The following LRRC53 variants were observed in gnomAD, a reference collection of about 807,000 sequenced individuals.
LRRC53 encodes leucine-rich repeat-containing protein 53.
In LRRC53, 25 loss-of-function variants were observed where a neutral mutation model predicts 13.6. The ratio of observed to expected loss-of-function variants is 1.83; its 90% CI spans 1.34 to 2.56. The LOEUF (loss-of-function observed/expected upper bound fraction) is 2.56, where lower values mean the gene tolerates loss of function less well. Among genes scored for constraint, LRRC53 ranks in the 30% most tolerant of loss-of-function variants. The pLI is 0.00. For missense variants in LRRC53, 527 were observed against 275.8 expected, an observed-to-expected ratio of 1.91 and a Z score of -6.45; for synonymous variants, 204 against 109.8, an observed-to-expected ratio of 1.86 and a Z score of -5.37.
At chr1:74,496,399 A>T (rs1339331336) in intron 1 of LRRC53, among the ~76,000 whole-genome samples, 1 of 152,114 alleles carries the variant, frequency 6.6e-6, no homozygotes, top group Non-Finnish European at 1.5e-5. Context: ...TTAAAATGTA[A>T]TTTTTTAGTA....
the LRRC53 span, among the ~76,000 whole-genome samples, chr1:74,521,530 A>G: frequency 6.6e-6 from 1 of 152,150 alleles, no homozygotes. Flanking sequence ...ATATATATAT[A>G]CACCTATATA....
intron 1 of LRRC53, among the ~76,000 whole-genome samples, chr1:74,500,484 G>T (rs1409050141): frequency 2.7e-5 from 4 of 150,036 alleles, no homozygotes; most frequent in Non-Finnish European, 4.5e-5. Flanking sequence ...GGCGCCTGTA[G>T]TCCCAGCTAC....
At chr1:74,529,654 TA>T in the LRRC53 span, among the ~76,000 whole-genome samples, 2 of 152,212 alleles carry the variant, frequency 1.3e-5, no homozygotes, top group African/African-American at 2.4e-5. Context: ...TACACTAAAG[TA>T]TTTGGGAGAT....
upstream of LRRC53, among the ~76,000 whole-genome samples, chr1:74,517,409 C>T (rs1207149587): frequency 6.6e-6 from 1 of 152,174 alleles, no homozygotes; most frequent in Non-Finnish European, 1.5e-5. Flanking sequence ...ATTCATATGT[C>T]AAACCTTCAA....
chr1:74,495,521 A>G (rs553084722), intron 1 of LRRC53, among the ~76,000 whole-genome samples: 2 of 152,172 alleles, frequency 1.3e-5, no homozygotes, highest in African/African-American at 2.4e-5. Context: ...AGCCTTAACT[A>G]TTTTCTCTTT....
chr1:74,507,552 G>A (rs1213997156), intron 1 of LRRC53, among the ~76,000 whole-genome samples: 1 of 152,142 alleles, frequency 6.6e-6, no homozygotes, highest in Admixed American at 6.5e-5. Context: ...ATGGATATAT[G>A]TGTATTGAAT....
At chr1:74,482,359 AT>A (rs2100263475) in intron 2 of LRRC53, among the ~76,000 whole-genome samples, 1 of 152,350 alleles carries the variant, frequency 6.6e-6, no homozygotes, top group Non-Finnish European at 1.5e-5. Context: ...GATGAGAAAT[AT>A]TTGTTTCTTA....
intron 1 of LRRC53, among the ~76,000 whole-genome samples, chr1:74,493,550 T>C (rs146459414): frequency 6.6e-6 from 1 of 152,358 alleles, no homozygotes; most frequent in African/African-American, 2.4e-5. Flanking sequence ...ATATCTGTCA[T>C]ATAATGCTAT....
the LRRC53 span, among the ~76,000 whole-genome samples, chr1:74,530,679 G>C: frequency 7.2e-5 from 11 of 151,812 alleles, no homozygotes; most frequent in Admixed American, 1.3e-4. Context: ...ATGAGGAAGT[G>C]AGGAGTGGGC....
chr1:74,521,036 C>G, the LRRC53 span, among the ~76,000 whole-genome samples: 1 of 152,234 alleles, frequency 6.6e-6, no homozygotes, highest in South Asian at 2.1e-4. Flanking sequence ...CTCTGGTTGC[C>G]CTGACTGGAC....
chr1:74,498,801 T>G, intron 1 of LRRC53, among the ~76,000 whole-genome samples: 1 of 152,154 alleles, frequency 6.6e-6, no homozygotes, highest in Non-Finnish European at 1.5e-5. Flanking sequence ...TATAGGTGAC[T>G]AAGATGTGTG....
At chr1:74,494,267 G>A (rs1669221797) in intron 1 of LRRC53, among the ~76,000 whole-genome samples, 1 of 152,180 alleles carries the variant, frequency 6.6e-6, no homozygotes, top group Admixed American at 6.5e-5. Context: ...GAGTTAGCAA[G>A]GGTTTCTATA....
chr1:74,533,111 C>T, the LRRC53 span, among the ~76,000 whole-genome samples: 67 of 152,178 alleles, frequency 4.4e-4, no homozygotes, highest in African/African-American at 1.3e-3. Context: ...AAGAAAGTAC[C>T]GTCAGAGTGA....
At chr1:74,491,678 A>C (rs1239598043) in intron 1 of LRRC53, among the ~76,000 whole-genome samples, 1 of 152,206 alleles carries the variant, frequency 6.6e-6, no homozygotes, top group Non-Finnish European at 1.5e-5. Flanking sequence ...AAAGTGTGTA[A>C]ATTCATTTTA....
intron 1 of LRRC53, among the ~76,000 whole-genome samples, chr1:74,510,858 C>A: frequency 6.6e-6 from 1 of 152,196 alleles, no homozygotes; most frequent in East Asian, 1.9e-4. Context: ...GTCTTGTATT[C>A]TTGTATAAAG....
At chr1:74,527,047 T>C in the LRRC53 span, among the ~76,000 whole-genome samples, 4 of 152,222 alleles carry the variant, frequency 2.6e-5, no homozygotes, top group African/African-American at 9.6e-5. Context: ...CTGCCTGCTC[T>C]AAAAGCATAA....
At chr1:74,517,482 T>C (rs146330098), upstream of LRRC53, among the ~76,000 whole-genome samples, 157 of 152,248 alleles carry the variant, frequency 1.0e-3, no homozygotes, top group African/African-American at 3.7e-3. Context: ...GGTAAATGGG[T>C]CAACTGAGCC....
intron 3 of LRRC53, among the ~76,000 whole-genome samples, chr1:74,476,311 T>G (rs1668203337): frequency 6.6e-6 from 1 of 152,162 alleles, no homozygotes; most frequent in Admixed American, 6.6e-5. Context: ...TTTCCTGTCT[T>G]GACAAATGGC....
chr1:74,497,490 A>G (rs1222418730), intron 1 of LRRC53, among the ~76,000 whole-genome samples: 1 of 151,954 alleles, frequency 6.6e-6, no homozygotes, highest in East Asian at 1.9e-4. Context: ...AATGTTCTCA[A>G]ACATTGCTTC....
Sources: gnomAD v4.1 joint callset for allele counts (sites outside exome capture counted in the v4.1 genomes callset) on GRCh38, gnomAD v4.1.1 for gene constraint, MANE v1.5 for transcripts, NCBI Gene and HGNC (gene_info 2026-07-23, HGNC 2026-07-21) for gene names.